GRIK1: variants seen among roughly 807,000 people sequenced by gnomAD.
GRIK1 encodes glutamate ionotropic receptor kainate type subunit 1.
A neutral mutation model predicts 105.7 loss-of-function variants in GRIK1; 69 were observed. That is an observed-to-expected ratio of 0.65 (90% CI 0.54 to 0.80). The LOEUF (loss-of-function observed/expected upper bound fraction) is 0.80, where lower values mean the gene tolerates loss of function less well. Among genes scored for constraint, GRIK1 ranks in the 30% least tolerant of loss-of-function variants. The pLI is 0.00. For missense variants in GRIK1, 1,109 were observed against 1,167.3 expected, an observed-to-expected ratio of 0.95 and a Z score of 0.73; for synonymous variants, 438 against 431.3, an observed-to-expected ratio of 1.02 and a Z score of -0.19.
chr21:29,752,205 C>A (rs2065223400), intron 1 of GRIK1, among the ~76,000 whole-genome samples: 1 of 152,152 alleles, frequency 6.6e-6, no homozygotes, highest in Non-Finnish European at 1.5e-5. Context: ...GATTTGGTAA[C>A]TTCCATGAGA....
At chr21:29,857,389 G>A (rs2068495658) in intron 1 of GRIK1, among the ~76,000 whole-genome samples, 10 of 152,212 alleles carry the variant, frequency 6.6e-5, no homozygotes, top group Admixed American at 6.5e-4. Flanking sequence ...GAATGCAGGA[G>A]TCAGTTACAT....
chr21:29,567,091 C>A (rs2090628697), intron 14 of GRIK1, among the ~76,000 whole-genome samples: 1 of 152,158 alleles, frequency 6.6e-6, no homozygotes, highest in Admixed American at 6.5e-5. Flanking sequence ...CTTGTTTAGA[C>A]AAGAATTTAG....
At chr21:29,849,960 C>A (rs1453281797) in intron 1 of GRIK1, among the ~76,000 whole-genome samples, 1 of 152,178 alleles carries the variant, frequency 6.6e-6, no homozygotes, top group Non-Finnish European at 1.5e-5. Context: ...GAGATACTCT[C>A]TCTCACCCTC....
chr21:29,746,537 T>A (rs138247938), intron 1 of GRIK1, among the ~76,000 whole-genome samples: 6 of 152,372 alleles, frequency 3.9e-5, no homozygotes, highest in African/African-American at 1.4e-4. Context: ...ATGTGCACAC[T>A]AACACATGTA....
intron 12 of GRIK1, among the ~76,000 whole-genome samples, chr21:29,584,474 T>C (rs982425931): frequency 6.6e-6 from 1 of 152,214 alleles, no homozygotes; most frequent in Non-Finnish European, 1.5e-5. Flanking sequence ...GGAAACATTG[T>C]CAACCACAAA....
intron 1 of GRIK1, among the ~76,000 whole-genome samples, chr21:29,813,144 G>A (rs1262755929): frequency 6.6e-6 from 1 of 152,088 alleles, no homozygotes; most frequent in Non-Finnish European, 1.5e-5. Flanking sequence ...GTAAATGTTT[G>A]CAATATTCAA....
chr21:29,563,890 C>A, intron 14 of GRIK1, among the ~76,000 whole-genome samples: 1 of 152,136 alleles, frequency 6.6e-6, no homozygotes, highest in East Asian at 1.9e-4. Context: ...ATTCTGGACT[C>A]CAGCACACCT....
At chr21:29,724,780 G>A (rs2064411904) in intron 1 of GRIK1, among the ~76,000 whole-genome samples, 1 of 152,150 alleles carries the variant, frequency 6.6e-6, no homozygotes, top group South Asian at 2.1e-4. Context: ...AGGGGCTACA[G>A]GAGCCCTAAG....
Position 29,582,290 on chromosome 21 carries a change from T to C in GRIK1, c.1794-747A>G. The C allele has an allele frequency of 4.3e-6, 2 of 465,490 alleles. 1 individual carries two copies. Among genetic ancestry groups the C allele is most frequent in the South Asian group, 3.2e-5 (2 of 63,432 alleles). 28.8% of individuals were successfully genotyped at this position (465,490 alleles called of 1,614,324 possible). A position where few individuals can be genotyped will look rare whatever the true frequency, so the allele number is the denominator to read the frequency against. On this transcript the variant is annotated intron_variant, in intron 12 of 17. Transcript: ENST00000327783. ...TTTCAAATTCATAATTTCCTTTTGA[T>C]TTGTTTTAAATTTGTTTTCAGAACC...
At chr21:29,659,747 G>A (rs1417686830) in intron 4 of GRIK1, among the ~76,000 whole-genome samples, 1 of 152,156 alleles carries the variant, frequency 6.6e-6, no homozygotes, top group Non-Finnish European at 1.5e-5. Context: ...GATCACCTGA[G>A]GTCGGGAGTT....
intron 1 of GRIK1, among the ~76,000 whole-genome samples, chr21:29,794,688 T>C (rs899188939): frequency 5.9e-5 from 9 of 152,202 alleles, no homozygotes; most frequent in Non-Finnish European, 8.8e-5. Flanking sequence ...TACAGAATAA[T>C]GTAGTTGGGT....
intron 1 of GRIK1, among the ~76,000 whole-genome samples, chr21:29,733,280 T>C (rs1035701359): frequency 5.3e-5 from 8 of 152,188 alleles, no homozygotes; most frequent in Non-Finnish European, 1.5e-5. Context: ...TGTGTGTTTA[T>C]ATATAAATTT....
intron 1 of GRIK1, among the ~76,000 whole-genome samples, chr21:29,810,966 A>G (rs1013680522): frequency 6.6e-6 from 1 of 152,158 alleles, no homozygotes; most frequent in African/African-American, 2.4e-5. Flanking sequence ...AAAAGGGAAG[A>G]TATCTTTAAA....
rs2062818919 is a variant in GRIK1, at chr21:29,654,871, A to G, written c.727-8T>C. The stretch of plus-strand genomic sequence containing the variant: ...CATGCCCATGAACAGAATCTGCAAA[A>G]GAGAAATAAGGGGAAAGAATCAGGA... On this transcript the variant is annotated splice_region_variant and splice_polypyrimidine_tract_variant and intron_variant, in intron 4 of 17. Transcript: ENST00000327783. 3 of 1,530,682 alleles carry G rather than the reference A, an allele frequency of 2.0e-6. No homozygotes were observed. Among genetic ancestry groups the G allele is most frequent in the Non-Finnish European group, 2.7e-6 (3 of 1,104,098 alleles). 94.8% of individuals were successfully genotyped at this position (1,530,682 alleles called of 1,614,324 possible).
At chr21:29,768,125 C>T (rs1021384708) in intron 1 of GRIK1, among the ~76,000 whole-genome samples, 3 of 152,062 alleles carry the variant, frequency 2.0e-5, no homozygotes, top group Non-Finnish European at 2.9e-5. Flanking sequence ...AAATGATTAT[C>T]GAGAGTTTTT....
At chr21:29,670,197 A>G (rs363515) in intron 4 of GRIK1, among the ~76,000 whole-genome samples, 18,321 of 152,202 alleles carry the variant, frequency 0.12, 1,156 homozygotes, top group East Asian at 0.23. Flanking sequence ...TGGATAAGCC[A>G]TCTCTTTAGT....
intron 1 of GRIK1, among the ~76,000 whole-genome samples, chr21:29,793,998 T>C (rs2066492428): frequency 6.6e-6 from 1 of 152,152 alleles, no homozygotes; most frequent in Non-Finnish European, 1.5e-5. Flanking sequence ...ACATAAAGCT[T>C]GAAATGCAAA....
chr21:29,842,031 T>C (rs1274902469), intron 1 of GRIK1, among the ~76,000 whole-genome samples: 1 of 152,188 alleles, frequency 6.6e-6, no homozygotes, highest in Non-Finnish European at 1.5e-5. Flanking sequence ...CAGAATATTC[T>C]AAATCTCTAG....
At chr21:29,778,885 A>G (rs1256960301) in intron 1 of GRIK1, among the ~76,000 whole-genome samples, 4 of 152,174 alleles carry the variant, frequency 2.6e-5, no homozygotes, top group Non-Finnish European at 5.9e-5. Context: ...TTATTCCTCT[A>G]ACACTCTTAC....
Sources: gnomAD v4.1 joint callset for allele counts (sites outside exome capture counted in the v4.1 genomes callset) on GRCh38, gnomAD v4.1.1 for gene constraint, MANE v1.5 for transcripts, NCBI Gene and HGNC (gene_info 2026-07-23, HGNC 2026-07-21) for gene names.